FANCC: variants seen among roughly 807,000 people sequenced by gnomAD.
FANCC encodes the protein Fanconi anemia group C protein.
In FANCC, 55 loss-of-function variants were observed where a neutral mutation model predicts 71.3. The observed-to-expected ratio is 0.77, with a 90% confidence interval of 0.62 to 0.97. The LOEUF is 0.97. FANCC is among the 50% of genes least tolerant of loss of function. The pLI is 0.00. For synonymous variants in FANCC, 275 were observed against 244.9 expected (o/e 1.12, Z -1.15); for missense variants, 678 against 670.9 (o/e 1.01, Z -0.12).
intron 4 of FANCC, among the ~76,000 whole-genome samples, chr9:95,201,245 A>G (rs1827788071): frequency 1.3e-5 from 2 of 152,150 alleles, no homozygotes; most frequent in South Asian, 2.1e-4. Context: ...GGGAAAAAGC[A>G]TACACATAGC....
intron 1 of FANCC, among the ~76,000 whole-genome samples, chr9:95,272,858 TCA>T (rs950160399): frequency 2.0e-5 from 3 of 152,242 alleles, no homozygotes; most frequent in African/African-American, 7.2e-5. Context: ...CTTGATTTCT[TCA>T]CACTCTTTAT....
chr9:95,260,487 A>G (rs1831960849), intron 1 of FANCC, among the ~76,000 whole-genome samples: 2 of 152,180 alleles, frequency 1.3e-5, no homozygotes, highest in African/African-American at 2.4e-5. Context: ...GGAGTCGAAC[A>G]ATGCGAACAC....
intron 6 of FANCC, among the ~76,000 whole-genome samples, chr9:95,161,110 G>A (rs1358822436): frequency 6.6e-6 from 1 of 152,200 alleles, no homozygotes; most frequent in African/African-American, 2.4e-5. Flanking sequence ...CTTGCCAAGA[G>A]AGGACTACTA....
chr9:95,187,898 G>T (rs1648113708), intron 4 of FANCC, among the ~76,000 whole-genome samples: 2 of 151,926 alleles, frequency 1.3e-5, no homozygotes, highest in South Asian at 4.2e-4. Flanking sequence ...ACGCTTTCAG[G>T]ATGGAAACGT....
At chr9:95,224,615 C>G (rs1462916099) in intron 4 of FANCC, among the ~76,000 whole-genome samples, 9 of 152,090 alleles carry the variant, frequency 5.9e-5, no homozygotes, top group Admixed American at 5.9e-4. Context: ...TTAAACAACT[C>G]CCCTATCACC....
At chr9:95,255,154 C>G (rs1398300008) in intron 1 of FANCC, among the ~76,000 whole-genome samples, 1 of 152,154 alleles carries the variant, frequency 6.6e-6, no homozygotes, top group African/African-American at 2.4e-5. Context: ...ACGTTCCCGC[C>G]TGCTGGCTCT....
At chr9:95,269,913 T>G (rs903621719) in intron 1 of FANCC, among the ~76,000 whole-genome samples, 1 of 152,002 alleles carries the variant, frequency 6.6e-6, no homozygotes, top group Non-Finnish European at 1.5e-5. Context: ...ATATGGAGGA[T>G]CCCGCCAGCC....
chr9:95,101,834 T>G lies in FANCC; in HGVS notation c.1550A>C (p.Glu517Ala). Residue 517 changes from glutamate (E) to alanine (A), a missense_variant, in exon 15 of 15, where the codon GAG becomes GCG. Glu to Ala is a moderately radical substitution (Grantham distance 107, BLOSUM62 -1). Coordinates refer to ENST00000289081, the MANE Select transcript of FANCC (RefSeq NM_000136.3). ...DVITLMAHTA[E>A]ITHEIIGFLD... ...AAAGCCAATGATCTCGTGAGTTATC[T>G]CAGCAGTGTGAGCCATCTGCAATCA... 6.2e-7 allele frequency: 1 copy of G among 1,614,014 alleles called. No individual in the cohort carries two copies. The highest frequency in any genetic ancestry group is 1.3e-5 in the African/African-American group (1 of 75,050).
rs1440187887 is a variant in FANCC, at chr9:95,208,119, T to TG, written c.345+32529dup. Among the ~76,000 whole-genome samples, 30 of 126,822 alleles carry TG rather than the reference T, an allele frequency of 2.4e-4. 1 individual carries two copies. The highest frequency in any genetic ancestry group is 1.2e-4 in the Non-Finnish European group (7 of 60,614). The allele number at this position is 126,822 out of a possible 152,430, so 83.2% of individuals were successfully genotyped here. On this transcript the variant is annotated intron_variant, in intron 4 of 14. Coordinates refer to ENST00000289081, the MANE Select transcript of FANCC (RefSeq NM_000136.3). ...TTTTTTTTTTTTTTTTTTTTTGTGA[T>TG]GGAGTTTTTCTCTAGTTGCCCAGGC...
intron 6 of FANCC, among the ~76,000 whole-genome samples, chr9:95,165,168 T>G (rs1159627549): frequency 6.6e-6 from 1 of 151,904 alleles, no homozygotes; most frequent in Admixed American, 6.5e-5. Context: ...TCTCTTTTTT[T>G]TTCTTAGTCT....
intron 1 of FANCC, among the ~76,000 whole-genome samples, chr9:95,266,890 T>C (rs1832413120): frequency 6.6e-6 from 1 of 152,204 alleles, no homozygotes; most frequent in African/African-American, 2.4e-5. Context: ...TCTGCCCATG[T>C]GACTTCCAGT....
chr9:95,174,542 T>C (rs1022977725), intron 4 of FANCC, among the ~76,000 whole-genome samples: 2 of 151,014 alleles, frequency 1.3e-5, no homozygotes, highest in East Asian at 3.9e-4. Flanking sequence ...TATATATATA[T>C]TTTTTTTCTT....
At chr9:95,175,016 T>C (rs947996258) in intron 4 of FANCC, among the ~76,000 whole-genome samples, 1 of 152,192 alleles carries the variant, frequency 6.6e-6, no homozygotes, top group African/African-American at 2.4e-5. Flanking sequence ...AGAAGCCTTC[T>C]ATGCCCTCTG....
intron 6 of FANCC, among the ~76,000 whole-genome samples, chr9:95,159,398 T>C (rs1009477118): frequency 6.6e-6 from 1 of 152,260 alleles, no homozygotes; most frequent in African/African-American, 2.4e-5. Context: ...TTCCATGGTG[T>C]ATTTGTGCCA....
chr9:95,222,923 A>G (rs1829373081), intron 4 of FANCC, among the ~76,000 whole-genome samples: 1 of 152,204 alleles, frequency 6.6e-6, no homozygotes, highest in African/African-American at 2.4e-5. Flanking sequence ...ATGACCATAC[A>G]ATATTTCATC....
chr9:95,135,185 CTA>C lies in FANCC; in HGVS notation c.843+159_843+160del, dbSNP rs773560419. Among the ~76,000 whole-genome samples, 59 of 152,250 alleles carry C rather than the reference CTA, an allele frequency of 3.9e-4. 2 individuals carry two copies. The highest frequency in any genetic ancestry group is 3.9e-4 in the Admixed American group (6 of 15,296). ...TGCTCCAAGGATGCAGAAAAGCCCC[CTA>C]TGTTAGTGATTTCAAAAATAAAATG... On this transcript the variant is annotated intron_variant, in intron 8 of 14. Transcript: ENST00000289081.
intron 13 of FANCC, 197 bp from the exon 14 acceptor site, chr9:95,107,466 C>G (rs1035512048): frequency 1.5e-5 from 10 of 648,122 alleles, no homozygotes; most frequent in Non-Finnish European, 2.5e-5. Context: ...TCTTGACTTT[C>G]TTTCGTCTTG....
intron 8 of FANCC, among the ~76,000 whole-genome samples, chr9:95,130,436 AG>A (rs1300151499): frequency 3.3e-5 from 5 of 152,344 alleles, no homozygotes; most frequent in African/African-American, 9.6e-5. Flanking sequence ...AAGGCAGTGA[AG>A]GAACAGAAAA....
chr9:95,155,827 T>C lies in FANCC; in HGVS notation c.522-5740A>G, dbSNP rs1029150376. Among the ~76,000 whole-genome samples, 7 of 151,658 alleles carry C rather than the reference T, an allele frequency of 4.6e-5. No individual in the cohort carries two copies. The South Asian group carries it at 1.3e-3, about 27-fold the overall frequency. ...CAACCTCCCCAGGCTCAAGCGATGC[T>C]CCCACCTCAGCCTCCCTAGTAGCTG... On this transcript the variant is annotated intron_variant, in intron 6 of 14. Coordinates refer to ENST00000289081, the MANE Select transcript of FANCC (RefSeq NM_000136.3).
Sources: allele counts gnomAD v4.1 joint callset (sites outside exome capture counted in the v4.1 genomes callset), GRCh38; gene constraint gnomAD v4.1.1; transcripts MANE v1.5; gene names NCBI Gene and HGNC (gene_info 2026-07-23, HGNC 2026-07-21).